CNTN3: variants seen among roughly 807,000 people sequenced by gnomAD.
The protein encoded by CNTN3 is contactin-3.
In CNTN3, 60 loss-of-function variants were observed where a neutral mutation model predicts 119.1. That is an observed-to-expected ratio of 0.50 (90% CI 0.41 to 0.62). CNTN3 has a LOEUF of 0.62. CNTN3 is among the 20% of genes least tolerant of loss of function. CNTN3 has a pLI of 0.00. For missense variants in CNTN3, 1,101 were observed against 1,242.4 expected (o/e 0.89, Z 1.71); for synonymous variants, 450 against 438.7 (o/e 1.03, Z -0.32).
intron 13 of CNTN3, among the ~76,000 whole-genome samples, chr3:74,323,756 C>A (rs563916524): frequency 6.6e-6 from 1 of 152,206 alleles, no homozygotes; most frequent in South Asian, 2.1e-4. Context: ...TGACTTCAGG[C>A]TCCTTTTGCA....
chr3:74,450,743 A>G, intron 4 of CNTN3, among the ~76,000 whole-genome samples: 1 of 138,962 alleles, frequency 7.2e-6, no homozygotes, highest in Non-Finnish European at 1.5e-5. Flanking sequence ...ATTCCCACCT[A>G]TGAGTGAGAA....
chr3:74,561,738 C>A (rs1308069370), intron 1 of CNTN3, among the ~76,000 whole-genome samples: 1 of 152,236 alleles, frequency 6.6e-6, no homozygotes, highest in African/African-American at 2.4e-5. Flanking sequence ...AGAATGAAAG[C>A]TACAAGAGAC....
chr3:74,399,116 G>A (rs920622630), intron 5 of CNTN3, among the ~76,000 whole-genome samples: 2 of 151,866 alleles, frequency 1.3e-5, no homozygotes, highest in Admixed American at 1.3e-4. Flanking sequence ...CTATCTAACT[G>A]TAAGTTTTTT....
At chr3:74,419,558 G>A (rs897892996) in intron 5 of CNTN3, among the ~76,000 whole-genome samples, 5 of 152,224 alleles carry the variant, frequency 3.3e-5, no homozygotes, top group East Asian at 1.9e-4. Context: ...TCACATTCTC[G>A]TTTTTCCATC....
intron 1 of CNTN3, among the ~76,000 whole-genome samples, chr3:74,528,617 G>A (rs927384810): frequency 4.6e-5 from 7 of 151,750 alleles, no homozygotes; most frequent in African/African-American, 1.7e-4. Flanking sequence ...GAACAAATCT[G>A]TCAAAGAGAA....
intron 4 of CNTN3, among the ~76,000 whole-genome samples, chr3:74,426,590 G>A (rs2106901103): frequency 6.6e-6 from 1 of 152,228 alleles, no homozygotes; most frequent in Admixed American, 6.5e-5. Context: ...TTATAAATAT[G>A]GAGTAAAGTG....
chr3:74,524,791 G>A (rs867462898), intron 1 of CNTN3, among the ~76,000 whole-genome samples: 10 of 151,962 alleles, frequency 6.6e-5, no homozygotes, highest in Middle Eastern at 3.4e-3. Context: ...GGATTGATCA[G>A]TATGCATGCC....
intron 1 of CNTN3, among the ~76,000 whole-genome samples, chr3:74,582,115 A>C (rs915484032): frequency 9.9e-5 from 15 of 152,120 alleles, no homozygotes; most frequent in African/African-American, 3.6e-4. Flanking sequence ...TCTCATAAAA[A>C]TATCATTTAG....
chr3:74,295,318 A>C, intron 18 of CNTN3, 82 bp from the exon 19 acceptor site: 1 of 733,172 alleles, frequency 1.4e-6, no homozygotes, highest in Non-Finnish European at 2.3e-6. Context: ...ATTTTTATAA[A>C]AGCATTTTAA....
chr3:74,424,878 C>A lies in CNTN3; in HGVS notation c.421G>T (p.Val141Leu). The change falls in exon 5 of 23, where the codon GTG (valine) becomes TTG (leucine). Residue 141 changes from valine to leucine, a missense_variant. Val to Leu is a conservative substitution (Grantham distance 32, BLOSUM62 1). Transcript: ENST00000263665. ...TGTGGTGGGGGGCCGCAGAGCAGCA[C>A]AACTCCCTGGCCTTCACGCACAGAC... ...TVSVREGQGV[V>L]LLCGPPPHSG... 6.2e-7 allele frequency: 1 copy of A among 1,613,746 alleles called. No homozygotes were observed. The highest frequency in any genetic ancestry group is 8.5e-7 in the Non-Finnish European group (1 of 1,179,810).
chr3:74,398,372 C>T (rs555260392), intron 5 of CNTN3, among the ~76,000 whole-genome samples: 2 of 152,338 alleles, frequency 1.3e-5, no homozygotes, highest in East Asian at 3.9e-4. Flanking sequence ...AAAAAGTTTA[C>T]AACTTGCTGA....
chr3:74,424,246 TTCATTTTTAC>T (rs1195127819), intron 5 of CNTN3, among the ~76,000 whole-genome samples: 1 of 152,092 alleles, frequency 6.6e-6, no homozygotes, highest in Non-Finnish European at 1.5e-5. Context: ...TGTGCTGAAG[TTCATTTTTAC>T]TCTGGGTCAC....
chr3:74,330,437 G>A (rs952458708), intron 13 of CNTN3, among the ~76,000 whole-genome samples: 6 of 151,904 alleles, frequency 3.9e-5, no homozygotes, highest in Admixed American at 3.9e-4. Context: ...TGATGCATTT[G>A]TGATGATGCT....
At chr3:74,274,322 G>T (rs112705745) in intron 20 of CNTN3, among the ~76,000 whole-genome samples, 4 of 151,970 alleles carry the variant, frequency 2.6e-5, no homozygotes, top group Non-Finnish European at 5.9e-5. Flanking sequence ...TCTGGAAAGC[G>T]CCACCTCCCA....
chr3:74,430,325 C>A (rs561410705), intron 4 of CNTN3, among the ~76,000 whole-genome samples: 1 of 152,194 alleles, frequency 6.6e-6, no homozygotes, highest in Non-Finnish European at 1.5e-5. Flanking sequence ...GCAATGAAAT[C>A]TTTATACACC....
Position 74,299,861 on chromosome 3 carries a change from C to T in CNTN3, c.2166+7G>A. 1 of 1,604,456 alleles carries T rather than the reference C, an allele frequency of 6.2e-7. No homozygotes were observed. The highest frequency in any genetic ancestry group is 2.2e-5 in the East Asian group (1 of 44,500). On this transcript the variant is annotated splice_region_variant and intron_variant, in intron 17 of 22. Coordinates refer to ENST00000263665, the MANE Select transcript of CNTN3 (RefSeq NM_020872.3). The stretch of plus-strand genomic sequence containing the variant: ...CCTGATGGGGAAGATGCTGCCCAAA[C>T]ACTTACATCCCAGGTTATCACAAGT...
At chr3:74,531,237 G>A (rs943188976) in intron 1 of CNTN3, among the ~76,000 whole-genome samples, 1 of 151,798 alleles carries the variant, frequency 6.6e-6, no homozygotes, top group African/African-American at 2.4e-5. Context: ...GCTTGAAATT[G>A]TATCCCTTAC....
intron 5 of CNTN3, among the ~76,000 whole-genome samples, chr3:74,378,807 T>C (rs1704542437): frequency 6.6e-6 from 1 of 152,234 alleles, no homozygotes; most frequent in African/African-American, 2.4e-5. Context: ...GTTATGAGCT[T>C]AACATTCCCT....
chr3:74,577,998 T>C (rs1217170821), intron 1 of CNTN3, among the ~76,000 whole-genome samples: 1 of 152,132 alleles, frequency 6.6e-6, no homozygotes, highest in Non-Finnish European at 1.5e-5. Context: ...TGTACTTTTA[T>C]TGAAATAAAT....
Sources: allele counts gnomAD v4.1 joint callset (sites outside exome capture counted in the v4.1 genomes callset), GRCh38; gene constraint gnomAD v4.1.1; transcripts MANE v1.5; gene names NCBI Gene and HGNC (gene_info 2026-07-23, HGNC 2026-07-21).